Variants in TDRD3 observed in about 807,000 individuals in gnomAD.
TDRD3 encodes the protein tudor domain containing 3, also known as tudor domain-containing protein 3.
In TDRD3, 45 loss-of-function variants were observed where a neutral mutation model predicts 86.7. That is an observed-to-expected ratio of 0.52 (90% CI 0.41 to 0.67). TDRD3 has a LOEUF of 0.67. TDRD3 is among the 30% of genes least tolerant of loss of function. TDRD3 has a pLI of 0.00. For synonymous variants in TDRD3, 298 were observed against 301.7 expected (o/e 0.99, Z 0.13); for missense variants, 814 against 889.0 (o/e 0.92, Z 1.07).
At chr13:60,463,459 T>G (rs962862601) in intron 4 of TDRD3, among the ~76,000 whole-genome samples, 8 of 150,864 alleles carry the variant, frequency 5.3e-5, no homozygotes, top group African/African-American at 1.7e-4. Flanking sequence ...GGGCAAAAAT[T>G]TTTTGGATAA....
intron 11 of TDRD3, among the ~76,000 whole-genome samples, chr13:60,532,706 T>G (rs914446564): frequency 6.6e-6 from 1 of 152,210 alleles, no homozygotes. Context: ...TTCTGGAAAG[T>G]TCTTCTTCCT....
chr13:60,567,561 C>T lies in TDRD3; in HGVS notation c.2155C>T (p.Arg719Cys), dbSNP rs755663376. 21 of 1,613,974 alleles carry T rather than the reference C, an allele frequency of 1.3e-5. No individual in the cohort carries two copies. The highest frequency in any genetic ancestry group is 1.6e-5 in the Non-Finnish European group (19 of 1,180,032). ...CACCTACGATCAAACTCTGGAGTTC[C>T]GTAGGGGAGGTGATGGCCAGCCAAG... is the stretch of plus-strand genomic sequence containing the variant. ...EGTYDQTLEFRRGGDGQPRRS... is the reference protein window; with the variant it reads ...EGTYDQTLEFCRGGDGQPRRS... The change falls in exon 13 of 14, where the codon CGT becomes TGT. Residue 719 changes from arginine to cysteine, a missense_variant. Coordinates refer to ENST00000377881, the MANE Select transcript of TDRD3 (RefSeq NM_001146070.2).
chr13:60,494,309 AT>A, intron 7 of TDRD3, 125 bp from the exon 8 acceptor site: 2 of 1,055,660 alleles, frequency 1.9e-6, no homozygotes, highest in East Asian at 5.4e-5. Flanking sequence ...TTAATATTTT[AT>A]TTTTTCATGT....
intron 4 of TDRD3, chr13:60,460,749 A>T (rs1185247160): frequency 5.1e-6 from 2 of 391,238 alleles, no homozygotes; most frequent in Non-Finnish European, 8.6e-6. Context: ...TCAAGCCTGT[A>T]ATCCCAGCAC....
chr13:60,568,023 C>T (rs1958505261), intron 13 of TDRD3, among the ~76,000 whole-genome samples: 1 of 152,096 alleles, frequency 6.6e-6, no homozygotes, highest in Non-Finnish European at 1.5e-5. Context: ...AGGAGTGAGC[C>T]ACCATGCCTT....
chr13:60,483,966 T>C (rs563030216), intron 6 of TDRD3, 120 bp downstream of exon 6: 9 of 955,536 alleles, frequency 9.4e-6, no homozygotes, highest in Middle Eastern at 2.5e-4. Context: ...TTTGGAAATA[T>C]GAAGTTCAAG....
At chr13:60,438,304 A>G (rs1955170791) in intron 1 of TDRD3, among the ~76,000 whole-genome samples, 1 of 152,106 alleles carries the variant, frequency 6.6e-6, no homozygotes, top group Admixed American at 6.5e-5. Flanking sequence ...TTAACCATCA[A>G]AATTGACTGC....
At chr13:60,502,883 C>G (rs997240009) in intron 8 of TDRD3, among the ~76,000 whole-genome samples, 47 of 152,218 alleles carry the variant, frequency 3.1e-4, no homozygotes, top group African/African-American at 1.1e-3. Context: ...TGTCCTGTTG[C>G]AAAAGGAAAA....
intron 12 of TDRD3, among the ~76,000 whole-genome samples, chr13:60,550,383 T>C (rs1958021114): frequency 6.6e-6 from 1 of 152,118 alleles, no homozygotes; most frequent in Non-Finnish European, 1.5e-5. Flanking sequence ...GTGAAAATAT[T>C]TGTATTAGTG....
At chr13:60,568,667 A>G (rs149553988) in intron 13 of TDRD3, among the ~76,000 whole-genome samples, 7 of 152,212 alleles carry the variant, frequency 4.6e-5, no homozygotes, top group Non-Finnish European at 7.3e-5. Context: ...CCTTTCCTCT[A>G]TGATCTGGAA....
At position 60,467,022 on chromosome 13, in the gene TDRD3, G is replaced by A. The variant is rs150410216; in HGVS notation, c.354-216G>A. ...GTTTCAGGGTACATGTGTAGGATGT[G>A]CAGATTTGTTACATAGGTGATATGT... On this transcript the variant is annotated intron_variant, in intron 4 of 13. Coordinates refer to ENST00000377881, the MANE Select transcript of TDRD3 (RefSeq NM_001146070.2). 4.6e-4 allele frequency among the ~76,000 whole-genome samples: 70 copies of A among 152,092 alleles called. No individual in the cohort carries two copies. The East Asian group carries it at 0.014, about 29-fold the overall frequency.
At chr13:60,415,287 CTG>C (rs1388278150) in intron 1 of TDRD3, among the ~76,000 whole-genome samples, 2 of 152,058 alleles carry the variant, frequency 1.3e-5, no homozygotes, top group African/African-American at 2.4e-5. Flanking sequence ...CAATTCCACT[CTG>C]TGGACATTCA....
intron 10 of TDRD3, among the ~76,000 whole-genome samples, chr13:60,527,734 A>C (rs543401578): frequency 8.5e-5 from 13 of 152,188 alleles, no homozygotes; most frequent in Non-Finnish European, 1.9e-4. Flanking sequence ...TCCACTTTTG[A>C]CACTTTTCTG....
chr13:60,407,261 T>C (rs549128224), intron 1 of TDRD3, among the ~76,000 whole-genome samples: 4 of 152,310 alleles, frequency 2.6e-5, no homozygotes, highest in African/African-American at 7.2e-5. Context: ...TTTAGCACGA[T>C]GTAAGGTGCA....
intron 1 of TDRD3, among the ~76,000 whole-genome samples, chr13:60,424,175 C>G (rs1408610678): frequency 1.3e-5 from 2 of 151,846 alleles, no homozygotes; most frequent in Non-Finnish European, 2.9e-5. Flanking sequence ...GCGCCCGCCA[C>G]CATGCCCGGC....
At chr13:60,519,453 C>G (rs1957244401) in intron 10 of TDRD3, among the ~76,000 whole-genome samples, 1 of 152,144 alleles carries the variant, frequency 6.6e-6, no homozygotes, top group Admixed American at 6.5e-5. Flanking sequence ...TGTTTATCAA[C>G]AAGAGAGCCA....
chr13:60,498,454 G>T (rs1055255153), intron 8 of TDRD3, among the ~76,000 whole-genome samples: 4 of 152,170 alleles, frequency 2.6e-5, no homozygotes, highest in African/African-American at 9.7e-5. Context: ...ATTCTGACTT[G>T]TGTAGAGCTC....
At chr13:60,399,109 G>A (rs888236465) in intron 1 of TDRD3, among the ~76,000 whole-genome samples, 2 of 152,158 alleles carry the variant, frequency 1.3e-5, no homozygotes, top group Non-Finnish European at 2.9e-5. Context: ...GGGCAGGGAA[G>A]TGAGTCTTAT....
intron 1 of TDRD3, among the ~76,000 whole-genome samples, chr13:60,424,176 C>T (rs1954737214): frequency 6.6e-6 from 1 of 151,834 alleles, no homozygotes; most frequent in Non-Finnish European, 1.5e-5. Flanking sequence ...CGCCCGCCAC[C>T]ATGCCCGGCT....
Sources: gnomAD v4.1 joint callset for allele counts (sites outside exome capture counted in the v4.1 genomes callset) on GRCh38, gnomAD v4.1.1 for gene constraint, MANE v1.5 for transcripts, NCBI Gene and HGNC (gene_info 2026-07-23, HGNC 2026-07-21) for gene names.